The following PRUNE2 variants were observed in gnomAD, a reference collection of about 807,000 sequenced individuals.
PRUNE2 encodes prune homolog 2 with BCH domain.
In PRUNE2, 164 loss-of-function variants were observed where a neutral mutation model predicts 252.0. The ratio of observed to expected loss-of-function variants is 0.65; its 90% CI spans 0.57 to 0.74. PRUNE2 has a LOEUF of 0.74. PRUNE2 is among the 30% of genes least tolerant of loss of function. The pLI is 0.00. For synonymous variants in PRUNE2, 1,292 were observed against 1,350.2 expected (o/e 0.96, Z 0.94); for missense variants, 3,495 against 3,711.0 (o/e 0.94, Z 1.51).
chr9:76,775,202 G>A (rs2053604481), intron 6 of PRUNE2, among the ~76,000 whole-genome samples: 1 of 152,216 alleles, frequency 6.6e-6, no homozygotes, highest in African/African-American at 2.4e-5. Context: ...AGAAACAAGA[G>A]TCTTAGAATT....
intron 6 of PRUNE2, chr9:76,779,972 T>C (rs1329458788): frequency 6.6e-6 from 1 of 152,198 alleles, no homozygotes; most frequent in Non-Finnish European, 1.5e-5. Flanking sequence ...GGGATTCAAC[T>C]AGAAATATAG....
rs1281851599 is a variant in PRUNE2, at chr9:76,675,956, C to A, written c.8277-20454G>T. ...GGGAGGGATATCATCGGGAGATATA[C>A]CTAATGCTAGATGACGAGTTAGTGG... is the stretch of plus-strand genomic sequence containing the variant. On this transcript the variant is annotated intron_variant, in intron 9 of 18. Coordinates refer to ENST00000376718, the MANE Select transcript of PRUNE2 (RefSeq NM_015225.3). Among the ~76,000 whole-genome samples, 6 of 145,776 alleles carry A rather than the reference C, an allele frequency of 4.1e-5. No individual in the cohort carries two copies. In the East Asian group the frequency reaches 1.2e-3, roughly 29 times the overall value.
rs1362452469 is a variant in PRUNE2, at chr9:76,709,490, T to C, written c.2784A>G (p.Lys928=). 6.2e-7 allele frequency: 1 copy of C among 1,613,910 alleles called. No homozygotes were observed. The highest frequency in any genetic ancestry group is 8.5e-7 in the Non-Finnish European group (1 of 1,179,898). Residue 928 remains lysine (K), a synonymous_variant, in exon 8 of 19, where the codon AAA becomes AAG. Transcript: ENST00000376718. The part of the protein sequence containing the change: ...SWNLFEENMK[K]GGSDVLVPWE... ...AAGGAACTAGGACATCTGACCCTCC[T>C]TTCTTCATATTCTCCTCAAAAAGGT...
intron 6 of PRUNE2, among the ~76,000 whole-genome samples, chr9:76,789,978 A>C (rs2131371185): frequency 6.6e-6 from 1 of 152,312 alleles, no homozygotes; most frequent in South Asian, 2.1e-4. Context: ...ACAAGGGTCA[A>C]AAAGCAAAGG....
At chr9:76,674,934 A>C (rs1312522574) in intron 9 of PRUNE2, among the ~76,000 whole-genome samples, 3 of 48,152 alleles carry the variant, frequency 6.2e-5, no homozygotes, top group African/African-American at 8.5e-5. Context: ...TAAAGACTTA[A>C]ACGTTAGACC....
At chr9:76,759,552 G>C (rs1288661806) in intron 6 of PRUNE2, 1 of 152,288 alleles carries the variant, frequency 6.6e-6, no homozygotes, top group East Asian at 1.9e-4. Context: ...CTTTGGCTGG[G>C]GTCATTTGGA....
At chr9:76,823,604 A>G in intron 6 of PRUNE2, 28 bp downstream of exon 6, 2 of 1,287,616 alleles carry the variant, frequency 1.6e-6, no homozygotes, top group Non-Finnish European at 2.3e-6. Flanking sequence ...GAAATCAATC[A>G]ATGCTAAAAA....
At chr9:76,789,777 G>A (rs541982098) in intron 6 of PRUNE2, among the ~76,000 whole-genome samples, 5 of 152,150 alleles carry the variant, frequency 3.3e-5, no homozygotes, top group Non-Finnish European at 5.9e-5. Context: ...CTCACATCCT[G>A]AAAGTCCTGG....
intron 15 of PRUNE2, among the ~76,000 whole-genome samples, 172 bp downstream of exon 15, chr9:76,636,299 C>T (rs1840028276): frequency 6.6e-6 from 1 of 152,162 alleles, no homozygotes; most frequent in African/African-American, 2.4e-5. Flanking sequence ...AGCATTTTCT[C>T]TCTTAATTCG....
intron 4 of PRUNE2, among the ~76,000 whole-genome samples, chr9:76,833,827 G>A (rs1026995310): frequency 1.3e-5 from 2 of 150,348 alleles, no homozygotes; most frequent in African/African-American, 4.9e-5. Flanking sequence ...AGTTAATTGT[G>A]GAATACTGAA....
Position 76,904,217 on chromosome 9 carries a change from C to T in PRUNE2, c.36+1711G>A, listed in dbSNP as rs932667540. 8.0e-4 allele frequency among the ~76,000 whole-genome samples: 121 copies of T among 151,858 alleles called. 1 individual carries two copies. Among genetic ancestry groups the T allele is most frequent in the Non-Finnish European group, 1.5e-4 (10 of 67,938 alleles). The stretch of plus-strand genomic sequence containing the variant: ...AACTGGTAACAATATTTCAAACAAC[C>T]GCTTCTCTTTCCTGTCCTTTTTTTT... On this transcript the variant is annotated intron_variant, in intron 1 of 18. Transcript: ENST00000376718.
chr9:76,731,506 T>G (rs1051347858), intron 6 of PRUNE2, among the ~76,000 whole-genome samples: 2 of 151,950 alleles, frequency 1.3e-5, no homozygotes, highest in Non-Finnish European at 2.9e-5. Flanking sequence ...TTTTTATTTT[T>G]TTGTATAGAC....
At chr9:76,845,332 A>C (rs750325873) in intron 4 of PRUNE2, among the ~76,000 whole-genome samples, 14 of 152,228 alleles carry the variant, frequency 9.2e-5, no homozygotes, top group Non-Finnish European at 1.5e-4. Context: ...CAAGATATTT[A>C]AACAAAATAT....
chr9:76,619,220 A>G (rs1194221651), intron 18 of PRUNE2, 120 bp downstream of exon 18: 9 of 641,606 alleles, frequency 1.4e-5, no homozygotes, highest in Non-Finnish European at 2.5e-5. Flanking sequence ...TCAGGAATGG[A>G]GCACAGGAAA....
chr9:76,705,777 G>A lies in PRUNE2; in HGVS notation c.6497C>T (p.Thr2166Ile). ...SNAELDSENATVLPPIGYQAD... is the reference protein window; with the variant it reads ...SNAELDSENAIVLPPIGYQAD... ...TTGATAGCCAATTGGAGGCAGCACA[G>A]TTGCGTTTTCAGAATCGAGTTCTGC... is the stretch of plus-strand genomic sequence containing the variant. The change falls in exon 8 of 19, where the codon ACT becomes ATT. Residue 2166 changes from threonine (T) to isoleucine (I), a missense_variant. Transcript: ENST00000376718. 6.2e-7 allele frequency: 1 copy of A among 1,613,942 alleles called. No homozygotes were observed. Among genetic ancestry groups the A allele is most frequent in the Non-Finnish European group, 8.5e-7 (1 of 1,179,898 alleles).
At chr9:76,864,787 T>C (rs2060745440) in intron 1 of PRUNE2, among the ~76,000 whole-genome samples, 1 of 152,202 alleles carries the variant, frequency 6.6e-6, no homozygotes, top group Non-Finnish European at 1.5e-5. Flanking sequence ...GTCTCATTAG[T>C]AGTCATGGAA....
rs370469079 is a variant in PRUNE2 at position 76,708,404 on chromosome 9, C to T, written c.3870G>A (p.Arg1290=). The change falls in exon 8 of 19, where the codon AGG becomes AGA. Residue 1290 remains arginine, a synonymous_variant. Coordinates refer to ENST00000376718, the MANE Select transcript of PRUNE2 (RefSeq NM_015225.3). ...ATGCTGCATCACTTTGCAGGGTTTC[C>T]CTCTCTGTGTCCTGCTTGTCAAGAT... ...ISHLDKQDTE[R]ETLQSDAASL... The T allele has an allele frequency of 1.2e-6, 2 of 1,613,808 alleles. No individual in the cohort carries two copies. Among genetic ancestry groups the T allele is most frequent in the Non-Finnish European group, 8.5e-7 (1 of 1,179,864 alleles).
chr9:76,776,464 G>A (rs2053755725), intron 6 of PRUNE2, among the ~76,000 whole-genome samples: 1 of 149,088 alleles, frequency 6.7e-6, no homozygotes, highest in South Asian at 2.1e-4. Flanking sequence ...CAAAAGCTGA[G>A]TAGTATATCA....
chr9:76,635,954 A>C (rs1839885491), intron 15 of PRUNE2, among the ~76,000 whole-genome samples: 2 of 152,044 alleles, frequency 1.3e-5, no homozygotes, highest in Non-Finnish European at 2.9e-5. Flanking sequence ...TGAAACCAAG[A>C]CTCCTCAGGG....
Sources: allele counts gnomAD v4.1 joint callset (sites outside exome capture counted in the v4.1 genomes callset), GRCh38; gene constraint gnomAD v4.1.1; transcripts MANE v1.5; gene names NCBI Gene and HGNC (gene_info 2026-07-23, HGNC 2026-07-21).